The following ZNF385D variants were observed in gnomAD, a reference collection of about 807,000 sequenced individuals.
ZNF385D encodes the protein zinc finger protein 385D, also known as zinc finger protein 659.
ZNF385D carries 15 observed loss-of-function variants against 35.8 expected under a neutral mutation model. The ratio of observed to expected loss-of-function variants is 0.42; its 90% CI spans 0.28 to 0.64. The LOEUF (loss-of-function observed/expected upper bound fraction) is 0.64. ZNF385D is among the 30% of genes least tolerant of loss of function. The pLI is 0.23. For missense variants in ZNF385D, 474 were observed against 494.6 expected (o/e 0.96, Z 0.39); for synonymous variants, 212 against 186.8 (o/e 1.13, Z -1.10).
At chr3:22,065,315 T>G (rs916645995) in intron 3 of ZNF385D, among the ~76,000 whole-genome samples, 14 of 152,322 alleles carry the variant, frequency 9.2e-5, no homozygotes, top group Admixed American at 5.9e-4. Flanking sequence ...CTCGCTGTCC[T>G]AGCTAGACAG....
chr3:21,619,542 T>G (rs144556390), intron 2 of ZNF385D, among the ~76,000 whole-genome samples: 31 of 152,200 alleles, frequency 2.0e-4, no homozygotes, highest in Non-Finnish European at 4.1e-4. Flanking sequence ...AAAACAACAC[T>G]GATAAAACAC....
intron 2 of ZNF385D, among the ~76,000 whole-genome samples, chr3:22,291,972 G>C (rs901049109): frequency 1.3e-5 from 2 of 151,798 alleles, no homozygotes; most frequent in African/African-American, 4.8e-5. Context: ...ATCTAGAACT[G>C]GTTAATCTTC....
chr3:21,542,677 A>C (rs1227725674), intron 3 of ZNF385D: 1 of 152,210 alleles, frequency 6.6e-6, no homozygotes, highest in Non-Finnish European at 1.5e-5. Flanking sequence ...ACAAACTCTA[A>C]TCAGCCTGCC....
In ZNF385D at chr3:21,908,119, TATC is replaced by T. The variant is rs1699779237; in HGVS notation, c.326-243094_326-243092del. Among the ~76,000 whole-genome samples the T allele has an allele frequency of 1.6e-3, 43 of 26,858 alleles. 1 individual carries two copies. In the South Asian group the frequency reaches 0.03, roughly 19 times the overall value. The allele number at this position is 26,858 out of a possible 152,430, so 17.6% of individuals were successfully genotyped here. A position where few individuals can be genotyped will look rare whatever the true frequency, so the allele number is the denominator to read the frequency against. On this transcript the variant is annotated intron_variant, in intron 3 of 5. Coordinates refer to the ZNF385D transcript ENST00000494108. ...CTATATCTATATATCTTTCTCTCTA[TATC>T]TATCTATCTATCTATCTATCTATCT... is the stretch of plus-strand genomic sequence containing the variant.
At chr3:21,878,499 T>C (rs1698100551) in intron 3 of ZNF385D, among the ~76,000 whole-genome samples, 1 of 150,950 alleles carries the variant, frequency 6.6e-6, no homozygotes, top group African/African-American at 2.4e-5. Flanking sequence ...GTTGAAAATC[T>C]ATTTTGTGTT....
At chr3:21,504,121 G>T (rs1040963300) in intron 4 of ZNF385D, among the ~76,000 whole-genome samples, 15 of 152,092 alleles carry the variant, frequency 9.9e-5, no homozygotes, top group African/African-American at 3.6e-4. Context: ...AGGGAGAAAT[G>T]TTCTCAGACT....
intron 2 of ZNF385D, among the ~76,000 whole-genome samples, chr3:21,596,827 C>T (rs548024558): frequency 6.6e-6 from 1 of 152,038 alleles, no homozygotes; most frequent in African/African-American, 2.4e-5. Context: ...TGGGTGACTG[C>T]CATACCTATG....
intron 2 of ZNF385D, among the ~76,000 whole-genome samples, chr3:22,345,760 T>C (rs1248074049): frequency 6.6e-6 from 1 of 152,146 alleles, no homozygotes; most frequent in Non-Finnish European, 1.5e-5. Context: ...ATTCAATTAT[T>C]TCACTTAGGG....
At chr3:21,888,366 C>A (rs576280086) in intron 3 of ZNF385D, among the ~76,000 whole-genome samples, 3 of 152,006 alleles carry the variant, frequency 2.0e-5, no homozygotes, top group African/African-American at 7.2e-5. Flanking sequence ...AAGGAAGAGA[C>A]TTGAAGACCA....
chr3:22,083,471 GA>G (rs764266943), intron 3 of ZNF385D, among the ~76,000 whole-genome samples: 22 of 152,198 alleles, frequency 1.4e-4, no homozygotes, highest in Non-Finnish European at 2.6e-4. Context: ...TCAACTGGAA[GA>G]AAGGGTATCA....
At chr3:22,030,078 G>C (rs1697842169) in intron 3 of ZNF385D, among the ~76,000 whole-genome samples, 1 of 150,994 alleles carries the variant, frequency 6.6e-6, no homozygotes, top group African/African-American at 2.4e-5. Context: ...GCAAGAGTGA[G>C]ATGAGCCTAG....
chr3:22,077,108 T>G (rs767812872), intron 3 of ZNF385D, among the ~76,000 whole-genome samples: 2 of 151,916 alleles, frequency 1.3e-5, no homozygotes, highest in Non-Finnish European at 2.9e-5. Context: ...AAAATATATA[T>G]AATAAAAAGC....
chr3:21,871,322 T>C (rs1198937823), intron 3 of ZNF385D, among the ~76,000 whole-genome samples: 1 of 152,140 alleles, frequency 6.6e-6, no homozygotes, highest in Non-Finnish European at 1.5e-5. Context: ...CACACAGCAA[T>C]CCATGCAGAC....
chr3:21,568,750 T>C (rs1019590629), intron 2 of ZNF385D, among the ~76,000 whole-genome samples: 4 of 152,196 alleles, frequency 2.6e-5, no homozygotes, highest in African/African-American at 7.2e-5. Context: ...TTACCATCAT[T>C]GTTCAATGCA....
chr3:21,937,142 G>A (rs958583690), intron 3 of ZNF385D, among the ~76,000 whole-genome samples: 13 of 152,020 alleles, frequency 8.6e-5, no homozygotes, highest in Non-Finnish European at 1.8e-4. Flanking sequence ...AAAAAAATGT[G>A]TTCATAAAAA....
intron 3 of ZNF385D, among the ~76,000 whole-genome samples, chr3:21,977,595 G>A (rs923236741): frequency 6.6e-6 from 1 of 152,110 alleles, no homozygotes; most frequent in Non-Finnish European, 1.5e-5. Context: ...ATAGTGGGAA[G>A]AGTGCTTGAG....
At chr3:21,846,182 C>T (rs1010799531) in intron 3 of ZNF385D, among the ~76,000 whole-genome samples, 7 of 151,964 alleles carry the variant, frequency 4.6e-5, no homozygotes, top group Non-Finnish European at 1.0e-4. Context: ...GGGAAACAGG[C>T]CAACATGGTA....
intron 3 of ZNF385D, among the ~76,000 whole-genome samples, chr3:22,143,966 T>G (rs1576395446): frequency 6.6e-6 from 1 of 152,198 alleles, no homozygotes; most frequent in Non-Finnish European, 1.5e-5. Context: ...TAATAGGGGT[T>G]CAAAGTAAGT....
intron 2 of ZNF385D, among the ~76,000 whole-genome samples, chr3:21,652,609 T>C (rs1019484503): frequency 2.0e-5 from 3 of 151,690 alleles, no homozygotes; most frequent in Non-Finnish European, 4.4e-5. Context: ...TATCTCCCAA[T>C]GCTATCCCTC....
Sources: gnomAD v4.1 joint callset for allele counts (sites outside exome capture counted in the v4.1 genomes callset) on GRCh38, gnomAD v4.1.1 for gene constraint, MANE v1.5 for transcripts, NCBI Gene and HGNC (gene_info 2026-07-23, HGNC 2026-07-21) for gene names.